The following MAP4K1 variants were observed in gnomAD, a reference collection of about 807,000 sequenced individuals.
MAP4K1 encodes the protein MAPK/ERK kinase kinase kinase 1.
MAP4K1 carries 35 observed loss-of-function variants against 122.8 expected under a neutral mutation model. The observed-to-expected ratio is 0.29, with a 90% confidence interval of 0.22 to 0.38. MAP4K1 has a LOEUF of 0.38. Ranked by LOEUF, MAP4K1 falls within the 10% of genes least tolerant of loss-of-function variation. The pLI is 1.00. For synonymous variants in MAP4K1, 412 were observed against 421.3 expected (o/e 0.98, Z 0.27); for missense variants, 791 against 1,072.6 (o/e 0.74, Z 3.67).
intron 30 of MAP4K1, among the ~76,000 whole-genome samples, chr19:38,589,672 C>T (rs1244596988): frequency 6.6e-6 from 1 of 152,118 alleles, no homozygotes; most frequent in Non-Finnish European, 1.5e-5. Context: ...GCCTCGGCCT[C>T]CCAAAGTGCT....
chr19:38,598,184 C>T (rs920018580), intron 22 of MAP4K1, among the ~76,000 whole-genome samples: 1 of 151,878 alleles, frequency 6.6e-6, no homozygotes, highest in Non-Finnish European at 1.5e-5. Context: ...GTATGCGCCA[C>T]CATGCCTGGA....
At chr19:38,607,551 C>A (rs1975363296) in intron 16 of MAP4K1, among the ~76,000 whole-genome samples, 1 of 122,700 alleles carries the variant, frequency 8.1e-6, no homozygotes, top group South Asian at 3.0e-4. Flanking sequence ...CAGAGTGAGA[C>A]TCCATCTCAA....
intron 30 of MAP4K1, among the ~76,000 whole-genome samples, chr19:38,590,620 A>C (rs1205698114): frequency 6.6e-6 from 1 of 150,970 alleles, no homozygotes; most frequent in Non-Finnish European, 1.5e-5. Context: ...GATTACAGGC[A>C]CGTGCCACCA....
chr19:38,616,408 T>G, intron 3 of MAP4K1, 149 bp from the exon 4 acceptor site: 1 of 564,388 alleles, frequency 1.8e-6, no homozygotes, highest in Non-Finnish European at 3.1e-6. Context: ...TCTACCAGAG[T>G]GAGGTTGTTT....
chr19:38,611,716 G>T (rs1975503430), intron 9 of MAP4K1, among the ~76,000 whole-genome samples: 1 of 152,162 alleles, frequency 6.6e-6, no homozygotes, highest in African/African-American at 2.4e-5. Flanking sequence ...GGCATTCAAG[G>T]CTGAAGTGAA....
intron 25 of MAP4K1, 98 bp from the exon 26 acceptor site, chr19:38,596,584 C>A (rs996903498): frequency 7.7e-6 from 8 of 1,043,428 alleles, no homozygotes; most frequent in Non-Finnish European, 1.1e-5. Flanking sequence ...GAACCAGGGC[C>A]CTAAGTCTTG....
intron 3 of MAP4K1, among the ~76,000 whole-genome samples, chr19:38,616,684 C>G (rs1418999180): frequency 6.6e-6 from 1 of 152,110 alleles, no homozygotes; most frequent in Admixed American, 6.5e-5. Flanking sequence ...ATTAAAGGAG[C>G]AGAGAGTGAA....
intron 13 of MAP4K1, 81 bp from the exon 14 acceptor site, chr19:38,608,251 A>G: frequency 1.7e-6 from 1 of 579,036 alleles, no homozygotes; most frequent in Non-Finnish European, 2.9e-6. Flanking sequence ...GAAAGAGTAG[A>G]ATTGGCGGGG....
chr19:38,606,618 T>G (rs1363788422), intron 16 of MAP4K1, among the ~76,000 whole-genome samples: 1 of 152,192 alleles, frequency 6.6e-6, no homozygotes, highest in Non-Finnish European at 1.5e-5. Flanking sequence ...ATTGCACTCC[T>G]GCACTTAGCC....
intron 19 of MAP4K1, among the ~76,000 whole-genome samples, chr19:38,604,316 TGA>T (rs977357944): frequency 1.3e-5 from 2 of 152,096 alleles, no homozygotes; most frequent in African/African-American, 4.8e-5. Context: ...TCTCCATTTA[TGA>T]GAGGTAAAAT....
At chr19:38,614,149 C>T (rs1250605889) in intron 6 of MAP4K1, 64 bp from the exon 7 acceptor site, 8 of 1,610,400 alleles carry the variant, frequency 5.0e-6, no homozygotes, top group South Asian at 2.2e-5. Context: ...TAGCCCACTC[C>T]GCCAGCTCAA....
chr19:38,599,272 C>G (rs1007633997), intron 22 of MAP4K1, among the ~76,000 whole-genome samples: 1 of 142,224 alleles, frequency 7.0e-6, no homozygotes, highest in Non-Finnish European at 1.5e-5. Context: ...TGCTTGAACC[C>G]AGGAAGTAGA....
chr19:38,592,059 G>A (rs1255070825), intron 30 of MAP4K1, among the ~76,000 whole-genome samples: 1 of 151,858 alleles, frequency 6.6e-6, no homozygotes, highest in Non-Finnish European at 1.5e-5. Context: ...ATTGCTTGAG[G>A]CCAGCAGTTC....
chr19:38,595,951 C>T lies in MAP4K1; in HGVS notation c.2167G>A (p.Val723Met). 6.2e-7 allele frequency: 1 copy of T among 1,613,992 alleles called. No homozygotes were observed. The highest frequency in any genetic ancestry group is 8.5e-7 in the Non-Finnish European group (1 of 1,179,954). Reference sequence around the variant, plus strand: ...GGAGGGTTCTCACCATCCATCAACACCATCACCATATCTTCCTCTACCTGG... The same window carrying T: ...GGAGGGTTCTCACCATCCATCAACATCATCACCATATCTTCCTCTACCTGG... ...VTQVEEDMVM[V>M]LMDGSVKLVT... The change falls in exon 27 of 31, where the codon GTG (valine) becomes ATG (methionine). Residue 723 changes from valine to methionine, a missense_variant. Physicochemically the swap from Val to Met is conservative, Grantham distance 21. This residue lies in a region of MAP4K1 where 267 missense variants were observed against 323.0 expected (regional missense o/e 0.83). Transcript: ENST00000396857.
Position 38,602,101 on chromosome 19 carries a change from A to G in MAP4K1, c.1447-576T>C, listed in dbSNP as rs564691710. Among the ~76,000 whole-genome samples the G allele has an allele frequency of 1.4e-3, 206 of 152,000 alleles. 2 individuals are homozygous for G. Among genetic ancestry groups the G allele is most frequent in the African/African-American group, 4.9e-3 (201 of 41,434 alleles). ...CTGTCAGTTTTGTTTTTGGAGATGG[A>G]GTCTCACTCTGTTGCCCAGGCTGGA... is the stretch of plus-strand genomic sequence containing the variant. On this transcript the variant is annotated intron_variant, in intron 19 of 30. Coordinates refer to ENST00000396857, the MANE Select transcript of MAP4K1 (RefSeq NM_001042600.3).
rs1472473788 is a variant in MAP4K1, at chr19:38,611,254, T to G, written c.717A>C (p.Glu239Asp). 1.2e-6 allele frequency: 2 copies of G among 1,613,714 alleles called. No individual in the cohort carries two copies. The highest frequency in any genetic ancestry group is 2.2e-5 in the South Asian group (2 of 91,050). Reference sequence around the variant, plus strand: ...TTACTCTCTCGTACCATTTGCCTTTTTCCTTCAGTCGGGGAGGCTGGTAGC... The same window carrying G: ...TTACTCTCTCGTACCATTTGCCTTTGTCCTTCAGTCGGGGAGGCTGGTAGC... ...KSGYQPPRLK[E>D]KGKWSAAFHN... The change falls in exon 10 of 31, where the codon GAA becomes GAC. Residue 239 changes from glutamate (E) to aspartate (D), a missense_variant. Physicochemically the swap from Glu to Asp is conservative, Grantham distance 45. This residue lies in a region of MAP4K1 where 303 missense variants were observed against 344.8 expected (regional missense o/e 0.88). Transcript: ENST00000396857.
At chr19:38,603,871 C>T (rs1233078313) in intron 19 of MAP4K1, among the ~76,000 whole-genome samples, 1 of 151,666 alleles carries the variant, frequency 6.6e-6, no homozygotes, top group Non-Finnish European at 1.5e-5. Flanking sequence ...GTAGTCATGG[C>T]TACTTAGGAG....
In MAP4K1 at chr19:38,617,230, C is replaced by G. The variant is rs1599723964; in HGVS notation, c.248+124G>C. On this transcript the variant is annotated intron_variant, in intron 3 of 30. Coordinates refer to ENST00000396857, the MANE Select transcript of MAP4K1 (RefSeq NM_001042600.3). This position sits in a 1 kb window ranked among gnomAD's most constrained non-coding sequence, Gnocchi z 4.1. ...ACTGCACTCCAGCCTGGCAACAGAA[C>G]AAGACTCCATCTCAAAAAAGAAAAA... 2 of 699,228 alleles carry G rather than the reference C, an allele frequency of 2.9e-6. No homozygotes were observed. Among genetic ancestry groups the G allele is most frequent in the African/African-American group, 3.6e-5 (2 of 56,030 alleles). The allele number at this position is 699,228 out of a possible 1,614,324, so 43.3% of individuals were successfully genotyped here.
Position 38,604,407 on chromosome 19 carries a change from C to T in MAP4K1, c.1446+1002G>A, listed in dbSNP as rs187697888. On this transcript the variant is annotated intron_variant, in intron 19 of 30. Coordinates refer to ENST00000396857, the MANE Select transcript of MAP4K1 (RefSeq NM_001042600.3). The stretch of plus-strand genomic sequence containing the variant: ...GGTTTTGATGGATCTTGTCAAAAGA[C>T]TCTAACTTCTGGACTCAAGCAATCC... Among the ~76,000 whole-genome samples the T allele has an allele frequency of 3.3e-3, 504 of 152,220 alleles. 5 individuals are homozygous for T. The highest frequency in any genetic ancestry group is 0.011 in the African/African-American group (460 of 41,546).
Sources: gnomAD v4.1 joint callset for allele counts (sites outside exome capture counted in the v4.1 genomes callset) on GRCh38, gnomAD v4.1.1 for gene constraint, gnomAD v4.1.1 regional missense constraint, Gnocchi (gnomAD v3.1) non-coding constraint, MANE v1.5 for transcripts, NCBI Gene and HGNC (gene_info 2026-07-23, HGNC 2026-07-21) for gene names.